TNFRSF10B: variants seen among roughly 807,000 people sequenced by gnomAD.
TNFRSF10B encodes tumor necrosis factor receptor superfamily member 10B.
In TNFRSF10B, 35 loss-of-function variants were observed where a neutral mutation model predicts 41.4. The observed-to-expected ratio is 0.85, with a 90% confidence interval of 0.65 to 1.12. The LOEUF (loss-of-function observed/expected upper bound fraction) is 1.12. TNFRSF10B is among the 50% of genes most tolerant of loss of function. The pLI is 0.00. For synonymous variants in TNFRSF10B, 230 were observed against 215.5 expected (o/e 1.07, Z -0.59); for missense variants, 584 against 552.7 (o/e 1.06, Z -0.57).
intron 1 of TNFRSF10B, among the ~76,000 whole-genome samples, chr8:23,043,860 T>G (rs1812280160): frequency 6.6e-6 from 1 of 152,214 alleles, no homozygotes; most frequent in African/African-American, 2.4e-5. Context: ...AAGAGTGTAC[T>G]TACACAAACC....
Position 23,041,120 on chromosome 8 carries a change from G to A in TNFRSF10B, c.250+2018C>T, listed in dbSNP as rs531337382. Among the ~76,000 whole-genome samples the A allele has an allele frequency of 6.6e-5, 10 of 150,914 alleles. No homozygotes were observed. In the South Asian group the frequency reaches 8.3e-4, roughly 13 times the overall value. ...GTCACCCAGGCTGAAGTGCAATGGC[G>A]TGATCTCAGCTCACTGCAACCTCTG... On this transcript the variant is annotated intron_variant, in intron 2 of 8. Coordinates refer to ENST00000276431, the MANE Select transcript of TNFRSF10B (RefSeq NM_003842.5).
At chr8:23,036,529 T>C (rs1416675884) in intron 2 of TNFRSF10B, among the ~76,000 whole-genome samples, 1 of 152,136 alleles carries the variant, frequency 6.6e-6, no homozygotes, top group African/African-American at 2.4e-5. Flanking sequence ...GTCTGGGACG[T>C]CCCTGAAGGA....
intron 1 of TNFRSF10B, among the ~76,000 whole-genome samples, chr8:23,045,058 T>TCCAAAAAAAAA (rs1812314952): frequency 9.8e-5 from 1 of 10,216 alleles, no homozygotes; most frequent in African/African-American, 5.6e-4. Flanking sequence ...CCTAATAAAA[T>TCCAAAAAAAAA]ACAAAAAAAA....
chr8:23,030,671 T>C, intron 3 of TNFRSF10B, 88 bp downstream of exon 3: 1 of 970,128 alleles, frequency 1.0e-6, no homozygotes, highest in South Asian at 1.4e-5. Flanking sequence ...TGGACCAGAA[T>C]CTAGGTCTCC....
intron 4 of TNFRSF10B, 52 bp downstream of exon 4, chr8:23,029,558 G>A (rs1250623425): frequency 6.5e-7 from 1 of 1,530,662 alleles, no homozygotes; most frequent in Admixed American, 1.9e-5. Flanking sequence ...AAGGAGACTT[G>A]GGTCTTTTGG....
chr8:23,063,311 G>C (rs1304647271), intron 1 of TNFRSF10B, among the ~76,000 whole-genome samples: 1 of 148,894 alleles, frequency 6.7e-6, no homozygotes, highest in Non-Finnish European at 1.5e-5. Flanking sequence ...TTGCGCCATT[G>C]CACTCCAGCC....
chr8:23,028,132 C>A (rs1811765762), intron 5 of TNFRSF10B, 199 bp downstream of exon 5: 2 of 692,902 alleles, frequency 2.9e-6, no homozygotes, highest in Non-Finnish European at 4.8e-6. Context: ...GACCCCCAGA[C>A]CTGGGAGAGG....
intron 1 of TNFRSF10B, among the ~76,000 whole-genome samples, chr8:23,059,426 G>C (rs1812759931): frequency 1.3e-5 from 2 of 152,312 alleles, no homozygotes; most frequent in African/African-American, 2.4e-5. Context: ...TTCCATAGTG[G>C]CTGCACCATT....
Position 23,030,667 on chromosome 8 carries a change from A to G in TNFRSF10B, c.364+92T>C, listed in dbSNP as rs1811853608. On this transcript the variant is annotated intron_variant, in intron 3 of 8. Coordinates refer to ENST00000276431, the MANE Select transcript of TNFRSF10B (RefSeq NM_003842.5). ...GGTATGATGAAGACCAAGGTGGACC[A>G]GAATCTAGGTCTCCTGATCCCATTT... 34 of 937,980 alleles carry G rather than the reference A, an allele frequency of 3.6e-5. No individual in the cohort carries two copies. The South Asian group carries it at 4.6e-4, about 13-fold the overall frequency. The allele number at this position is 937,980 out of a possible 1,614,324, so 58.1% of individuals were successfully genotyped here.
chr8:23,058,316 T>C (rs1168674562), intron 1 of TNFRSF10B, among the ~76,000 whole-genome samples: 1 of 152,220 alleles, frequency 6.6e-6, no homozygotes, highest in South Asian at 2.1e-4. Context: ...TAACCATATC[T>C]ACCTTTGAGT....
chr8:23,024,139 G>A (rs760470872), intron 8 of TNFRSF10B, 49 bp downstream of exon 8: 2 of 1,611,434 alleles, frequency 1.2e-6, no homozygotes, highest in Non-Finnish European at 1.7e-6. Context: ...TTAGGACCCT[G>A]TCCCTATTCC....
chr8:23,043,331 C>T, intron 1 of TNFRSF10B, 88 bp from the exon 2 acceptor site: 1 of 976,164 alleles, frequency 1.0e-6, no homozygotes, highest in South Asian at 1.4e-5. Context: ...GCCCAGGCAC[C>T]CAAGCTAAAC....
In TNFRSF10B at chr8:23,020,503, C is replaced by A. The variant is rs780350373; in HGVS notation, c.*2168G>T. 2 of 452,088 alleles carry A rather than the reference C, an allele frequency of 4.4e-6. No homozygotes were observed. Among genetic ancestry groups the A allele is most frequent in the Non-Finnish European group, 8.9e-6 (2 of 225,312 alleles). 28.0% of individuals were successfully genotyped at this position (452,088 alleles called of 1,614,324 possible). On this transcript the variant is annotated 3_prime_UTR_variant, in exon 9 of 9. Transcript: ENST00000276431. The stretch of plus-strand genomic sequence containing the variant: ...GGTCAGGAGTTCGAGACCAGCCTGA[C>A]CAACATGGTGAAACCCCGTCTCTAC...
rs926559704 is a variant in TNFRSF10B, at chr8:23,024,317, C to G, written c.937-57G>C. The G allele has an allele frequency of 1.9e-6, 3 of 1,601,156 alleles. No homozygotes were observed. The African/African-American group carries it at 4.0e-5, about 21-fold the overall frequency. On this transcript the variant is annotated intron_variant, in intron 7 of 8. Transcript: ENST00000276431. ...GAGCCAGGAGTCCTACAGTCCAGTA[C>G]TGACCCCGACCACCAGCCAGCTCTG...
intron 5 of TNFRSF10B, 160 bp downstream of exon 5, chr8:23,028,171 G>A (rs1222329803): frequency 9.8e-6 from 9 of 921,542 alleles, no homozygotes; most frequent in Non-Finnish European, 1.5e-5. Flanking sequence ...CCTGGGGGGT[G>A]CACGGGATGT....
intron 2 of TNFRSF10B, among the ~76,000 whole-genome samples, chr8:23,035,133 G>C (rs1261844482): frequency 6.6e-6 from 1 of 151,778 alleles, no homozygotes; most frequent in African/African-American, 2.4e-5. Context: ...TCATAATTTA[G>C]TTTGCAGGTA....
rs1203469971 is a variant in TNFRSF10B, at chr8:23,058,458, ATGTT to A, written c.144+10289_144+10292del. Reference sequence around the variant, plus strand: ...CCTGTATATTTAATGTTAATTGAGTATGTTTTAGAATCCCATTTTAATTGTGTAT... The same window carrying A: ...CCTGTATATTTAATGTTAATTGAGTATTAGAATCCCATTTTAATTGTGTAT... On this transcript the variant is annotated intron_variant, in intron 1 of 8. Transcript: ENST00000276431. Among the ~76,000 whole-genome samples, 3 of 149,302 alleles carry A rather than the reference ATGTT, an allele frequency of 2.0e-5. No individual in the cohort carries two copies. The East Asian group carries it at 5.9e-4, about 29-fold the overall frequency.
At chr8:23,064,024 C>T (rs551725446) in intron 1 of TNFRSF10B, among the ~76,000 whole-genome samples, 54 of 152,338 alleles carry the variant, frequency 3.5e-4, no homozygotes, top group Non-Finnish European at 5.6e-4. Context: ...GGCATGTAGG[C>T]GCCTGGCGAC....
intron 4 of TNFRSF10B, 105 bp downstream of exon 4, chr8:23,029,505 A>T: frequency 8.8e-7 from 1 of 1,139,438 alleles, no homozygotes; most frequent in Non-Finnish European, 1.3e-6. Flanking sequence ...CACAGCCTCA[A>T]GGATGCCCCT....
Sources: gnomAD v4.1 joint callset for allele counts (sites outside exome capture counted in the v4.1 genomes callset) on GRCh38, gnomAD v4.1.1 for gene constraint, MANE v1.5 for transcripts, NCBI Gene and HGNC (gene_info 2026-07-23, HGNC 2026-07-21) for gene names.